Variants in AGBL4 observed in about 807,000 individuals in gnomAD.
The protein encoded by AGBL4 is AGBL carboxypeptidase 4, also known as cytosolic carboxypeptidase 6.
Under a neutral mutation model 66.4 loss-of-function variants are expected in AGBL4, and 58 were observed. That is an observed-to-expected ratio of 0.87 (90% CI 0.71 to 1.09). AGBL4 has a LOEUF of 1.09. AGBL4 is among the 50% of genes least tolerant of loss of function. The probability of loss-of-function intolerance (pLI) is 0.00; values close to 1 mark genes in which losing one functional copy is unlikely to be tolerated. For missense variants in AGBL4, 579 were observed against 631.0 expected, an observed-to-expected ratio of 0.92 and a Z score of 0.88; for synonymous variants, 234 against 222.9, an observed-to-expected ratio of 1.05 and a Z score of -0.44.
intron 5 of AGBL4, among the ~76,000 whole-genome samples, chr1:48,933,119 A>C (rs1204825543): frequency 6.6e-6 from 1 of 152,192 alleles, no homozygotes; most frequent in African/African-American, 2.4e-5. Flanking sequence ...TCTCCTTTCT[A>C]TAAAATAGAG....
At chr1:49,070,913 A>G (rs1644590480) in intron 4 of AGBL4, among the ~76,000 whole-genome samples, 1 of 151,914 alleles carries the variant, frequency 6.6e-6, no homozygotes. Context: ...TATTGCCTCA[A>G]TTTCAGAACC....
intron 3 of AGBL4, among the ~76,000 whole-genome samples, chr1:49,354,297 T>C (rs1643972734): frequency 6.6e-6 from 1 of 152,240 alleles, no homozygotes; most frequent in Non-Finnish European, 1.5e-5. Context: ...TCCACAGTGA[T>C]GAATAATTAG....
chr1:49,012,110 A>G (rs1358787806), intron 5 of AGBL4, among the ~76,000 whole-genome samples: 2 of 151,986 alleles, frequency 1.3e-5, no homozygotes. Flanking sequence ...GCTACTGTAC[A>G]ATGGTGTGAA....
At chr1:49,453,429 T>G (rs1646321910) in intron 3 of AGBL4, among the ~76,000 whole-genome samples, 2 of 151,718 alleles carry the variant, frequency 1.3e-5, no homozygotes, top group South Asian at 4.2e-4. Flanking sequence ...CAAAGACACT[T>G]TTCCAGAAAT....
At chr1:49,409,728 T>G (rs1282381554) in intron 3 of AGBL4, among the ~76,000 whole-genome samples, 1 of 152,196 alleles carries the variant, frequency 6.6e-6, no homozygotes, top group African/African-American at 2.4e-5. Flanking sequence ...AAGGATTTAT[T>G]TTTAAAAAAA....
At chr1:48,814,427 C>T (rs1224164281) in intron 6 of AGBL4, among the ~76,000 whole-genome samples, 1 of 151,916 alleles carries the variant, frequency 6.6e-6, no homozygotes, top group Admixed American at 6.6e-5. Flanking sequence ...TTAGCATATC[C>T]ATCATCTCAC....
chr1:49,286,524 CA>C (rs1465951824), intron 3 of AGBL4, among the ~76,000 whole-genome samples: 1 of 152,112 alleles, frequency 6.6e-6, no homozygotes, highest in African/African-American at 2.4e-5. Context: ...TCTCAGGATA[CA>C]AAATCAATGT....
At chr1:49,898,927 C>A (rs1194307617) in intron 1 of AGBL4, among the ~76,000 whole-genome samples, 1 of 152,026 alleles carries the variant, frequency 6.6e-6, no homozygotes. Context: ...TTATACCAAA[C>A]TGAACTCATG....
At chr1:49,970,943 C>A (rs1000001606) in intron 1 of AGBL4, among the ~76,000 whole-genome samples, 6 of 152,092 alleles carry the variant, frequency 3.9e-5, no homozygotes, top group Admixed American at 2.0e-4. Flanking sequence ...GCCTCTTTAA[C>A]GCAGGGAATG....
At chr1:49,358,707 A>G (rs1199653249) in intron 3 of AGBL4, among the ~76,000 whole-genome samples, 1 of 152,226 alleles carries the variant, frequency 6.6e-6, no homozygotes, top group Admixed American at 6.5e-5. Context: ...ATTTAATTAC[A>G]AGGATAATCA....
chr1:48,684,209 G>C (rs542775375), intron 6 of AGBL4, among the ~76,000 whole-genome samples: 45 of 152,364 alleles, frequency 3.0e-4, no homozygotes, highest in Admixed American at 2.3e-3. Flanking sequence ...AGTGCTCTCA[G>C]TCTTCACTGA....
chr1:48,904,962 A>G (rs566895398), intron 5 of AGBL4, among the ~76,000 whole-genome samples: 1 of 152,272 alleles, frequency 6.6e-6, no homozygotes. Flanking sequence ...ACACTCTCCA[A>G]TAATAAATGT....
intron 4 of AGBL4, among the ~76,000 whole-genome samples, chr1:49,163,971 G>A (rs556076720): frequency 7.9e-5 from 12 of 152,224 alleles, no homozygotes; most frequent in East Asian, 3.9e-4. Context: ...TCCCATTCAC[G>A]AAGCCGTTAG....
At chr1:49,808,883 T>C (rs1278815956) in intron 2 of AGBL4, among the ~76,000 whole-genome samples, 2 of 152,172 alleles carry the variant, frequency 1.3e-5, no homozygotes, top group African/African-American at 2.4e-5. Context: ...ATTATTTCAT[T>C]GTTATAGATT....
chr1:49,471,480 C>G (rs1410830494), intron 3 of AGBL4, among the ~76,000 whole-genome samples: 1 of 151,800 alleles, frequency 6.6e-6, no homozygotes, highest in African/African-American at 2.4e-5. Flanking sequence ...GGACTTTATA[C>G]ACAACAACGA....
At chr1:49,438,110 G>A (rs566595140) in intron 3 of AGBL4, among the ~76,000 whole-genome samples, 28 of 152,254 alleles carry the variant, frequency 1.8e-4, no homozygotes, top group Admixed American at 5.9e-4. Flanking sequence ...CATTTTACAT[G>A]TGAGGAAATG....
At chr1:48,909,708 T>C (rs1176557508) in intron 5 of AGBL4, among the ~76,000 whole-genome samples, 2 of 152,172 alleles carry the variant, frequency 1.3e-5, no homozygotes, top group Admixed American at 6.5e-5. Flanking sequence ...TGTCAAAGCA[T>C]CTGCAATGCA....
intron 3 of AGBL4, among the ~76,000 whole-genome samples, chr1:49,300,178 T>A (rs577720391): frequency 4.2e-4 from 64 of 152,178 alleles, no homozygotes; most frequent in Non-Finnish European, 7.5e-4. Context: ...TCCCCAGAAA[T>A]AAAATTTCGG....
intron 5 of AGBL4, among the ~76,000 whole-genome samples, chr1:48,890,795 C>T (rs193173128): frequency 3.3e-4 from 51 of 152,302 alleles, no homozygotes; most frequent in African/African-American, 1.2e-3. Flanking sequence ...TGGATACTTG[C>T]AGTCTGGCAG....
Sources: allele counts gnomAD v4.1 joint callset (sites outside exome capture counted in the v4.1 genomes callset), GRCh38; gene constraint gnomAD v4.1.1; transcripts MANE v1.5; gene names NCBI Gene and HGNC (gene_info 2026-07-23, HGNC 2026-07-21).